Variants in TWIST2 observed in about 807,000 individuals in gnomAD.
The protein encoded by TWIST2 is twist family bHLH transcription factor 2.
TWIST2 carries 1 observed loss-of-function variant against 11.6 expected under a neutral mutation model. The ratio of observed to expected loss-of-function variants is 0.09; its 90% CI spans 0.03 to 0.41. The LOEUF (loss-of-function observed/expected upper bound fraction) is 0.41. TWIST2 is among the 10% of genes least tolerant of loss of function. TWIST2 has a pLI of 0.98. For missense variants in TWIST2, 168 were observed against 226.4 expected (o/e 0.74, Z 1.66); for synonymous variants, 87 against 96.6 (o/e 0.90, Z 0.58).
At chr2:238,861,101 G>C (rs563757808) in intron 1 of TWIST2, among the ~76,000 whole-genome samples, 33 of 152,184 alleles carry the variant, frequency 2.2e-4, no homozygotes, top group Non-Finnish European at 4.1e-4. Flanking sequence ...TGGGAGGACT[G>C]GCCGCCGGGG....
At chr2:238,905,844 TGTGTGTGTGTGCGTGTGTGTGCGTGC>T (rs1184460393) in intron 1 of TWIST2, among the ~76,000 whole-genome samples, 51 of 109,284 alleles carry the variant, frequency 4.7e-4, no homozygotes, top group African/African-American at 2.3e-3. Context: ...GAAAAAAGTG[TGTGTGTGTGTGCGTGTGTGTGCGTGC>T]GTGTGTGTGC....
chr2:238,889,695 G>A (rs926241446), intron 1 of TWIST2, among the ~76,000 whole-genome samples: 7 of 152,198 alleles, frequency 4.6e-5, no homozygotes, highest in Admixed American at 2.6e-4. Context: ...CATTGCAGTC[G>A]TAACATGGAG....
intron 1 of TWIST2, among the ~76,000 whole-genome samples, chr2:238,858,801 A>G (rs1692375898): frequency 6.6e-6 from 1 of 152,270 alleles, no homozygotes; most frequent in South Asian, 2.1e-4. Context: ...AAACTTGTAC[A>G]TGAATGTTCA....
chr2:238,848,397 T>G lies in TWIST2; in HGVS notation c.182T>G (p.Phe61Cys). 1 of 1,536,306 alleles carries G rather than the reference T, an allele frequency of 6.5e-7. No individual in the cohort carries two copies. The highest frequency in any genetic ancestry group is 2.0e-5 in the Admixed American group (1 of 50,972). The change falls in exon 1 of 2, where the codon TTC (phenylalanine) becomes TGC (cysteine). Residue 61 changes from phenylalanine to cysteine, a missense_variant. This residue lies in a region of TWIST2 where 83 missense variants were observed against 92.7 expected (regional missense o/e 0.90). Coordinates refer to ENST00000612363, the MANE Select transcript of TWIST2 (RefSeq NM_001271893.4). The stretch of plus-strand genomic sequence containing the variant: ...AAGGGCAGCCCCAGCGCGCAGTCCT[T>G]CGAGGAGCTGCAGAGCCAGCGCATC... ...GKKGSPSAQS[F>C]EELQSQRILA...
intron 1 of TWIST2, among the ~76,000 whole-genome samples, chr2:238,900,347 T>A (rs1693254505): frequency 6.6e-6 from 1 of 152,154 alleles, no homozygotes. Flanking sequence ...ATGTGCCCGG[T>A]GTGGCCAGAA....
intron 1 of TWIST2, among the ~76,000 whole-genome samples, chr2:238,869,417 T>C (rs1416165112): frequency 6.6e-6 from 1 of 152,146 alleles, no homozygotes; most frequent in Non-Finnish European, 1.5e-5. Context: ...AATGACAACC[T>C]GTGGAATGGG....
Position 238,908,879 on chromosome 2 carries a change from G to A in TWIST2, c.*36-963G>A, listed in dbSNP as rs1216739387. ...GTGTGGGAGGGTGTGGTGTGTTTGT[G>A]TGGTGTGTGGTGGTGTATGTAGTGT... is the stretch of plus-strand genomic sequence containing the variant. On this transcript the variant is annotated intron_variant, in intron 1 of 1. Transcript: ENST00000612363. Among the ~76,000 whole-genome samples the A allele has an allele frequency of 3.5e-3, 8 of 2,282 alleles. No individual in the cohort carries two copies. The East Asian group carries it at 0.061, about 17-fold the overall frequency. The allele number at this position is 2,282 out of a possible 152,430, so 1.5% of individuals were successfully genotyped here.
intron 1 of TWIST2, among the ~76,000 whole-genome samples, chr2:238,880,051 G>T (rs1300029428): frequency 1.3e-5 from 2 of 152,116 alleles, no homozygotes; most frequent in Non-Finnish European, 2.9e-5. Context: ...TTTAGTGTGA[G>T]TGTTAGTGTT....
At chr2:238,894,625 G>T (rs1433547667) in intron 1 of TWIST2, among the ~76,000 whole-genome samples, 1 of 152,126 alleles carries the variant, frequency 6.6e-6, no homozygotes, top group Non-Finnish European at 1.5e-5. Flanking sequence ...GCTTTGGGGA[G>T]TCCCACCAAT....
chr2:238,870,561 C>CCACA (rs1692657872), intron 1 of TWIST2, among the ~76,000 whole-genome samples: 4 of 98,176 alleles, frequency 4.1e-5, no homozygotes, highest in Non-Finnish European at 6.0e-5. Context: ...CCCACACACA[C>CCACA]CACACACCAC....
intron 1 of TWIST2, among the ~76,000 whole-genome samples, chr2:238,873,966 C>A (rs1365701376): frequency 1.3e-5 from 2 of 152,122 alleles, no homozygotes; most frequent in Non-Finnish European, 2.9e-5. Flanking sequence ...CTTGCTGATC[C>A]ATGTTCCATC....
intron 1 of TWIST2, among the ~76,000 whole-genome samples, chr2:238,858,889 A>G (rs1692377555): frequency 6.6e-6 from 1 of 152,224 alleles, no homozygotes; most frequent in Non-Finnish European, 1.5e-5. Flanking sequence ...AACGTAGCCC[A>G]TTCGTACAAT....
At chr2:238,850,834 A>G (rs1486565255) in intron 1 of TWIST2, among the ~76,000 whole-genome samples, 1 of 152,222 alleles carries the variant, frequency 6.6e-6, no homozygotes, top group Non-Finnish European at 1.5e-5. Context: ...GAGTAGTTCA[A>G]ACAAGCTAGT....
At chr2:238,896,124 G>T (rs1404938698) in intron 1 of TWIST2, among the ~76,000 whole-genome samples, 1 of 152,174 alleles carries the variant, frequency 6.6e-6, no homozygotes, top group Non-Finnish European at 1.5e-5. Context: ...GCAAGCCGGG[G>T]TCAGAGGCAT....
intron 1 of TWIST2, among the ~76,000 whole-genome samples, chr2:238,892,804 A>G (rs1286168335): frequency 6.6e-6 from 1 of 152,014 alleles, no homozygotes; most frequent in Non-Finnish European, 1.5e-5. Context: ...TTTTCCAATC[A>G]CCACCACAGG....
At position 238,906,435 on chromosome 2, in the gene TWIST2, C is replaced by T. The variant is rs1370883539; in HGVS notation, c.*36-3407C>T. Among the ~76,000 whole-genome samples the T allele has an allele frequency of 1.1e-4, 16 of 151,904 alleles. 1 individual carries two copies. In the South Asian group the frequency reaches 1.5e-3, roughly 14 times the overall value. ...GAAAACACATGCACTCACACGGATG[C>T]GCACACACACATACACATGCATACT... On this transcript the variant is annotated intron_variant, in intron 1 of 1. Transcript: ENST00000612363.
intron 1 of TWIST2, among the ~76,000 whole-genome samples, chr2:238,889,479 G>A (rs1693095405): frequency 6.6e-6 from 1 of 152,090 alleles, no homozygotes; most frequent in African/African-American, 2.4e-5. Flanking sequence ...AGACCCTAAA[G>A]CCACTACCAG....
At chr2:238,869,567 A>G (rs1692608691) in intron 1 of TWIST2, among the ~76,000 whole-genome samples, 3 of 152,222 alleles carry the variant, frequency 2.0e-5, no homozygotes, top group Admixed American at 6.5e-5. Context: ...TACAAAGATG[A>G]TATACAAATG....
At chr2:238,871,747 A>G (rs1300286259) in intron 1 of TWIST2, among the ~76,000 whole-genome samples, 2 of 150,430 alleles carry the variant, frequency 1.3e-5, no homozygotes, top group East Asian at 4.0e-4. Context: ...GATAGGGACC[A>G]TAGCATGGAT....
Sources: allele counts gnomAD v4.1 joint callset (sites outside exome capture counted in the v4.1 genomes callset), GRCh38; gene constraint gnomAD v4.1.1; regional missense constraint gnomAD v4.1.1; transcripts MANE v1.5; gene names NCBI Gene and HGNC (gene_info 2026-07-23, HGNC 2026-07-21).